The following ACOXL variants were observed in gnomAD, a reference collection of about 807,000 sequenced individuals.
ACOXL encodes the protein acyl-CoA oxidase like.
Under a neutral mutation model 71.9 loss-of-function variants are expected in ACOXL, and 70 were observed. The ratio of observed to expected loss-of-function variants is 0.97; its 90% CI spans 0.80 to 1.19. The LOEUF (loss-of-function observed/expected upper bound fraction) is 1.19, where lower values mean the gene tolerates loss of function less well. ACOXL is among the 50% of genes most tolerant of loss of function. The pLI is 0.00. For synonymous variants in ACOXL, 253 were observed against 281.6 expected, an observed-to-expected ratio of 0.90 and a Z score of 1.02; for missense variants, 703 against 736.3, an observed-to-expected ratio of 0.95 and a Z score of 0.52.
intron 2 of ACOXL, among the ~76,000 whole-genome samples, chr2:110,771,134 A>G (rs1681864890): frequency 6.6e-6 from 1 of 152,144 alleles, no homozygotes; most frequent in Non-Finnish European, 1.5e-5. Context: ...CTCTCTCTGT[A>G]TGAATTCACA....
At chr2:110,856,997 C>T (rs1573859355) in intron 10 of ACOXL, among the ~76,000 whole-genome samples, 1 of 152,296 alleles carries the variant, frequency 6.6e-6, no homozygotes, top group African/African-American at 2.4e-5. Context: ...TATTTCGTAT[C>T]AGGTAGGATG....
Position 111,101,662 on chromosome 2 carries a change from A to G in ACOXL, c.1542+8696A>G, listed in dbSNP as rs34541646. Among the ~76,000 whole-genome samples, 906 of 151,738 alleles carry G rather than the reference A, an allele frequency of 6.0e-3. 7 individuals are homozygous for G. The highest frequency in any genetic ancestry group is 0.02 in the Middle Eastern group (6 of 294). On this transcript the variant is annotated intron_variant, in intron 17 of 17. Coordinates refer to ENST00000439055, the MANE Select transcript of ACOXL (RefSeq NM_001142807.4). ...CTCTGTAATGAATTTGAGGGAAAAA[A>G]AAAAAAAACTGTTTCCCTCACCTCC...
At chr2:110,805,154 T>C in intron 8 of ACOXL, 109 bp from the exon 9 acceptor site, 1 of 1,421,524 alleles carries the variant, frequency 7.0e-7, no homozygotes, top group Non-Finnish European at 9.6e-7. Context: ...AGTTCCACGA[T>C]GGGGAAATCC....
At chr2:110,915,088 G>A (rs1187344190) in intron 11 of ACOXL, among the ~76,000 whole-genome samples, 1 of 151,894 alleles carries the variant, frequency 6.6e-6, no homozygotes, top group African/African-American at 2.4e-5. Context: ...TAAATAGTAG[G>A]TCTTATTCAT....
At chr2:111,076,004 C>T (rs2067583378) in intron 16 of ACOXL, among the ~76,000 whole-genome samples, 1 of 151,582 alleles carries the variant, frequency 6.6e-6, no homozygotes. Flanking sequence ...TATGGTCTAT[C>T]TTGGTGGATA....
At chr2:110,955,263 T>G (rs2061455661) in intron 12 of ACOXL, among the ~76,000 whole-genome samples, 1 of 152,236 alleles carries the variant, frequency 6.6e-6, no homozygotes, top group Non-Finnish European at 1.5e-5. Context: ...GTTTTGATTC[T>G]GTTGATTTTT....
intron 12 of ACOXL, chr2:110,968,407 G>A (rs1266169752): frequency 8.7e-7 from 1 of 1,147,324 alleles, no homozygotes; most frequent in East Asian, 2.3e-5. Flanking sequence ...GGAATTTAAT[G>A]CAGAAGTACA....
At chr2:110,891,329 A>G (rs1190628463) in intron 10 of ACOXL, among the ~76,000 whole-genome samples, 1 of 152,154 alleles carries the variant, frequency 6.6e-6, no homozygotes, top group Non-Finnish European at 1.5e-5. Context: ...CTTGTACAAT[A>G]TTAATATATT....
In ACOXL at chr2:110,840,354, A is replaced by G. The variant is rs1224267515; in HGVS notation, c.754-1017A>G. On this transcript the variant is annotated intron_variant, in intron 9 of 17. Transcript: ENST00000439055. ...TTGGAATGTACTAACATTTCAATAA[A>G]TGGAGTATTGCCTGTATATAGTGCT... is the stretch of plus-strand genomic sequence containing the variant. Among the ~76,000 whole-genome samples, 3 of 152,248 alleles carry G rather than the reference A, an allele frequency of 2.0e-5. No homozygotes were observed. The South Asian group carries it at 6.2e-4, about 31-fold the overall frequency.
At chr2:110,882,850 C>A (rs1170778247) in intron 10 of ACOXL, among the ~76,000 whole-genome samples, 2 of 152,158 alleles carry the variant, frequency 1.3e-5, no homozygotes, top group East Asian at 3.8e-4. Flanking sequence ...GTGCATATTT[C>A]TCAGAATATC....
At chr2:111,057,046 G>C (rs986874037) in intron 16 of ACOXL, among the ~76,000 whole-genome samples, 1 of 152,176 alleles carries the variant, frequency 6.6e-6, no homozygotes, top group Non-Finnish European at 1.5e-5. Flanking sequence ...GCTAAGTGCC[G>C]AGAGCAAAGG....
At chr2:111,111,093 ATTTAT>A (rs2069916041) in intron 17 of ACOXL, among the ~76,000 whole-genome samples, 2 of 152,054 alleles carry the variant, frequency 1.3e-5, no homozygotes, top group South Asian at 2.1e-4. Context: ...AGTTTTTTTA[ATTTAT>A]TTTATTTATT....
Position 110,852,186 on chromosome 2 carries a change from T to TAGAG in ACOXL, c.788+10781_788+10782insAGAG. Among the ~76,000 whole-genome samples the TAGAG allele has an allele frequency of 2.0e-5, 3 of 152,274 alleles. No individual in the cohort carries two copies. The East Asian group carries it at 5.8e-4, about 29-fold the overall frequency. Reference sequence around the variant, plus strand: ...AGAGCCCATTGCTGACTTCTGTATATTCCCTTGACTGGCACCGTGTCGCCC... The same window carrying TAGAG: ...AGAGCCCATTGCTGACTTCTGTATATAGAGTCCCTTGACTGGCACCGTGTCGCCC... On this transcript the variant is annotated intron_variant, in intron 10 of 17. Transcript: ENST00000439055.
chr2:110,954,681 C>T (rs2149421575), intron 12 of ACOXL, among the ~76,000 whole-genome samples: 1 of 152,302 alleles, frequency 6.6e-6, no homozygotes, highest in Admixed American at 6.5e-5. Context: ...ACAAATTAGC[C>T]ATCATGTTTA....
chr2:110,890,822 G>A (rs535416646), intron 10 of ACOXL, among the ~76,000 whole-genome samples: 2 of 152,058 alleles, frequency 1.3e-5, no homozygotes, highest in South Asian at 4.2e-4. Flanking sequence ...GTGAATTTCG[G>A]TACATCTTGT....
chr2:110,831,341 A>G lies in ACOXL; in HGVS notation c.754-10030A>G, dbSNP rs537368174. On this transcript the variant is annotated intron_variant, in intron 9 of 17. Transcript: ENST00000439055. ...TTAATTGCATTTCCAAATATTAGCA[A>G]TGAACACAAGTTAAAAATATAATTG... Among the ~76,000 whole-genome samples, 14 of 152,366 alleles carry G rather than the reference A, an allele frequency of 9.2e-5. No individual in the cohort carries two copies. The South Asian group carries it at 1.2e-3, about 14-fold the overall frequency.
chr2:110,887,112 G>T, intron 10 of ACOXL: 1 of 405,780 alleles, frequency 2.5e-6, no homozygotes, highest in Non-Finnish European at 4.4e-6. Flanking sequence ...GATCTGGGGT[G>T]GAAAAACTCT....
At chr2:110,980,686 C>G (rs1449544952) in intron 12 of ACOXL, among the ~76,000 whole-genome samples, 1 of 152,168 alleles carries the variant, frequency 6.6e-6, no homozygotes, top group East Asian at 1.9e-4. Flanking sequence ...CCCAAAGCGC[C>G]TGGATAAAGG....
intron 16 of ACOXL, 92 bp downstream of exon 16, chr2:111,049,380 T>C (rs1359786107): frequency 3.0e-6 from 3 of 998,732 alleles, no homozygotes; most frequent in Non-Finnish European, 4.6e-6. Flanking sequence ...GGGAGTAAAT[T>C]TATCATGTCT....
Sources: gnomAD v4.1 joint callset for allele counts (sites outside exome capture counted in the v4.1 genomes callset) on GRCh38, gnomAD v4.1.1 for gene constraint, MANE v1.5 for transcripts, NCBI Gene and HGNC (gene_info 2026-07-23, HGNC 2026-07-21) for gene names.